CCDC150: variants seen among roughly 807,000 people sequenced by gnomAD.
The protein encoded by CCDC150 is coiled-coil domain-containing protein 150.
A neutral mutation model predicts 156.5 loss-of-function variants in CCDC150; 151 were observed. The observed-to-expected ratio is 0.97, with a 90% CI of 0.85 to 1.10. The LOEUF (loss-of-function observed/expected upper bound fraction) is 1.10. Ranked by LOEUF, CCDC150 falls within the 50% of genes least tolerant of loss-of-function variation. CCDC150 has a pLI of 0.00. For missense variants in CCDC150, 1,312 were observed against 1,268.1 expected (o/e 1.03, Z -0.53); for synonymous variants, 452 against 429.4 (o/e 1.05, Z -0.65).
intron 13 of CCDC150, among the ~76,000 whole-genome samples, chr2:196,693,537 C>A (rs1437234891): frequency 6.6e-6 from 1 of 152,168 alleles, no homozygotes; most frequent in East Asian, 1.9e-4. Flanking sequence ...ACTCTAGCAT[C>A]TTTTTTGGAG....
At chr2:196,654,600 T>G (rs1422775463) in intron 2 of CCDC150, among the ~76,000 whole-genome samples, 1 of 152,194 alleles carries the variant, frequency 6.6e-6, no homozygotes, top group East Asian at 1.9e-4. Flanking sequence ...AGGTACTTTT[T>G]TATACTTTCT....
chr2:196,657,487 A>G, intron 4 of CCDC150: 1 of 217,914 alleles, frequency 4.6e-6, no homozygotes, highest in Non-Finnish European at 9.2e-6. Flanking sequence ...GAGTATAGGA[A>G]ATGTTACAGA....
intron 21 of CCDC150, among the ~76,000 whole-genome samples, chr2:196,724,376 A>G (rs1698092269): frequency 6.6e-6 from 1 of 152,214 alleles, no homozygotes; most frequent in African/African-American, 2.4e-5. Context: ...TTAAAAATTA[A>G]AGTTAATACA....
At chr2:196,688,727 G>A (rs2125639166) in intron 13 of CCDC150, among the ~76,000 whole-genome samples, 1 of 152,110 alleles carries the variant, frequency 6.6e-6, no homozygotes, top group South Asian at 2.1e-4. Context: ...TTCTTTTGAT[G>A]TGCAGAAGCT....
At chr2:196,649,974 T>C (rs372428873) in intron 2 of CCDC150, among the ~76,000 whole-genome samples, 1 of 152,206 alleles carries the variant, frequency 6.6e-6, no homozygotes, top group African/African-American at 2.4e-5. Context: ...CCTTTCCTGT[T>C]TGGATTTCTT....
intron 1 of CCDC150, among the ~76,000 whole-genome samples, chr2:196,642,130 AT>A (rs1159533788): frequency 6.6e-6 from 1 of 152,188 alleles, no homozygotes; most frequent in Non-Finnish European, 1.5e-5. Context: ...ATATCTCAGT[AT>A]TTTTATTATT....
intron 25 of CCDC150, 46 bp from the exon 26 acceptor site, chr2:196,730,813 T>G: frequency 1.4e-6 from 2 of 1,424,756 alleles, no homozygotes; most frequent in Non-Finnish European, 1.9e-6. Flanking sequence ...TTTGGTTTCT[T>G]ATGGTATGTT....
At chr2:196,676,324 T>A in intron 11 of CCDC150, 57 bp downstream of exon 11, 4 of 1,587,310 alleles carry the variant, frequency 2.5e-6, no homozygotes, top group Non-Finnish European at 3.5e-6. Context: ...GTGTGTTTCT[T>A]ATCATGTGTC....
chr2:196,721,500 A>G, intron 20 of CCDC150, 22 bp from the exon 21 acceptor site: 1 of 1,577,810 alleles, frequency 6.3e-7, no homozygotes, highest in Non-Finnish European at 8.6e-7. Flanking sequence ...AGTGGAATTG[A>G]AAACATGCTT....
intron 1 of CCDC150, among the ~76,000 whole-genome samples, chr2:196,642,466 ATC>A (rs1692284966): frequency 1.3e-5 from 2 of 152,126 alleles, no homozygotes; most frequent in Non-Finnish European, 2.9e-5. Context: ...GAAAATGAGA[ATC>A]TCTCTCTAAC....
chr2:196,647,150 A>G (rs1195195706), intron 2 of CCDC150, among the ~76,000 whole-genome samples: 1 of 152,114 alleles, frequency 6.6e-6, no homozygotes, highest in Non-Finnish European at 1.5e-5. Context: ...TATAATACCC[A>G]TGGAATAAAT....
At chr2:196,685,179 C>T (rs1176913656) in intron 13 of CCDC150, among the ~76,000 whole-genome samples, 2 of 151,868 alleles carry the variant, frequency 1.3e-5, no homozygotes, top group African/African-American at 2.4e-5. Context: ...CATTTTAACT[C>T]CCTTATCATT....
At position 196,665,607 on chromosome 2, in the gene CCDC150, CT is replaced by C; in HGVS notation, c.689del (p.Leu230Ter). ...QLAQEKYLRE[S>X]LEKSASAMLL... ...GCTCAGGAGAAGTACCTTAGGGAAT[CT>C]TTAGAGAAATCAGCATCAGCCATGC... On this transcript the variant is annotated frameshift_variant, in exon 6 of 28. Coordinates refer to ENST00000389175, the MANE Select transcript of CCDC150 (RefSeq NM_001080539.2). LOFTEE classifies it high-confidence loss of function. 1 of 1,605,920 alleles carries C rather than the reference CT, an allele frequency of 6.2e-7. No homozygotes were observed. Among genetic ancestry groups the C allele is most frequent in the Non-Finnish European group, 8.5e-7 (1 of 1,176,418 alleles).
chr2:196,666,930 A>G, intron 7 of CCDC150, 82 bp downstream of exon 7: 2 of 1,487,278 alleles, frequency 1.3e-6, no homozygotes, highest in Non-Finnish European at 1.9e-6. Context: ...CCAAATTCTT[A>G]AAGTGGCCAG....
rs766293452 is a variant in CCDC150, at chr2:196,732,529, C to G, written c.3273C>G (p.Pro1091=). 6.2e-7 allele frequency: 1 copy of G among 1,612,522 alleles called. No individual in the cohort carries two copies. The highest frequency in any genetic ancestry group is 2.2e-5 in the East Asian group (1 of 44,868). ...GAAAACAGAATCTTAGGCCCATGCCCAAGAAGTATCATTCTGAGGTACAGA... is the reference window on the plus strand; with the variant it reads ...GAAAACAGAATCTTAGGCCCATGCCGAAGAAGTATCATTCTGAGGTACAGA... The part of the protein sequence containing the change: ...WERKQNLRPM[P]KKYHSEVQRK The change falls in exon 28 of 28, where the codon CCC becomes CCG. Residue 1091 remains proline, a synonymous_variant. Coordinates refer to ENST00000389175, the MANE Select transcript of CCDC150 (RefSeq NM_001080539.2).
chr2:196,653,553 C>A (rs1466435187), intron 2 of CCDC150, among the ~76,000 whole-genome samples: 2 of 152,180 alleles, frequency 1.3e-5, no homozygotes, highest in African/African-American at 4.8e-5. Flanking sequence ...CCTCATCAGC[C>A]TGTCCTCTGT....
At chr2:196,671,230 C>T (rs1296513445) in intron 8 of CCDC150, among the ~76,000 whole-genome samples, 1 of 152,068 alleles carries the variant, frequency 6.6e-6, no homozygotes, top group Non-Finnish European at 1.5e-5. Context: ...CTATTCATCC[C>T]TCCCTCCCCT....
intron 1 of CCDC150, 75 bp from the exon 2 acceptor site, chr2:196,646,266 T>C (rs1252839828): frequency 5.1e-6 from 7 of 1,384,540 alleles, no homozygotes; most frequent in Non-Finnish European, 7.1e-6. Context: ...TGCCTAATCC[T>C]GGCACAGGAA....
intron 18 of CCDC150, 54 bp downstream of exon 18, chr2:196,718,685 AT>A: frequency 6.3e-7 from 1 of 1,594,794 alleles, no homozygotes; most frequent in South Asian, 1.2e-5. Flanking sequence ...CACTTATGAA[AT>A]CTTTCATGAG....
Sources: gnomAD v4.1 joint callset for allele counts (sites outside exome capture counted in the v4.1 genomes callset) on GRCh38, gnomAD v4.1.1 for gene constraint, MANE v1.5 for transcripts, NCBI Gene and HGNC (gene_info 2026-07-23, HGNC 2026-07-21) for gene names.